The following CCN2 variants were observed in gnomAD, a reference collection of about 807,000 sequenced individuals.
The protein encoded by CCN2 is cellular communication network factor 2.
Under a neutral mutation model 33.2 loss-of-function variants are expected in CCN2, and 22 were observed. The observed-to-expected ratio is 0.66, with a 90% CI of 0.47 to 0.95. CCN2 has a LOEUF of 0.95. CCN2 is among the 40% of genes least tolerant of loss of function. The probability of loss-of-function intolerance (pLI) is 0.00; values close to 1 mark genes in which losing one functional copy is unlikely to be tolerated. For missense variants in CCN2, 469 were observed against 498.8 expected (o/e 0.94, Z 0.57); for synonymous variants, 178 against 200.6 (o/e 0.89, Z 0.95).
At position 131,949,311 on chromosome 6, in the gene CCN2, T is replaced by C. The variant is rs1036211794; in HGVS notation, c.1003A>G (p.Ile335Val). 1 of 1,614,110 alleles carries C rather than the reference T, an allele frequency of 6.2e-7. No homozygotes were observed. The highest frequency in any genetic ancestry group is 1.3e-5 in the African/African-American group (1 of 74,940). ...CHYNCPGDND[I>V]FESLYYRKMY... ...TTCCTGTAGTACAGCGATTCAAAGA[T>C]GTCATTGTCTCCGGGACAGTTGTAA... The change falls in exon 5 of 5, where the codon ATC (isoleucine) becomes GTC (valine). Residue 335 changes from isoleucine (I) to valine (V), a missense_variant. Coordinates refer to ENST00000367976, the MANE Select transcript of CCN2 (RefSeq NM_001901.4).
Position 131,951,194 on chromosome 6 carries a change from G to A in CCN2, c.-22C>T. The A allele has an allele frequency of 7.7e-7, 1 of 1,296,666 alleles. No individual in the cohort carries two copies. Among genetic ancestry groups the A allele is most frequent in the Non-Finnish European group, 9.8e-7 (1 of 1,022,596 alleles). 80.3% of individuals were successfully genotyped at this position (1,296,666 alleles called of 1,614,324 possible). ...TCATGGTTGGCACTGCGGGCGGAGC[G>A]GAGGGCGCGGTGGCGGCGAGCGGGG... On this transcript the variant is annotated 5_prime_UTR_variant, in exon 1 of 5. Transcript: ENST00000367976.
rs1783047646 is a variant in CCN2 at position 131,948,222 on chromosome 6, C to A, written c.*1042G>T. The A allele has an allele frequency of 6.6e-6, 1 of 152,570 alleles. No homozygotes were observed. Among genetic ancestry groups the A allele is most frequent in the Admixed American group, 6.5e-5 (1 of 15,280 alleles). The allele number at this position is 152,570 out of a possible 1,614,324, so 9.5% of individuals were successfully genotyped here. A position where few individuals can be genotyped will look rare whatever the true frequency, so the allele number is the denominator to read the frequency against. Reference sequence around the variant, plus strand: ...TTATTTTCAACTAGAAAGGTGCAAACATGTAACTTTTGGTCACACTCTCAA... The same window carrying A: ...TTATTTTCAACTAGAAAGGTGCAAAAATGTAACTTTTGGTCACACTCTCAA... On this transcript the variant is annotated 3_prime_UTR_variant, in exon 5 of 5. Transcript: ENST00000367976.
chr6:131,950,948 G>T lies in CCN2; in HGVS notation c.111C>A (p.Asp37Glu), dbSNP rs754049250. Residue 37 changes from aspartate (D) to glutamate (E), a missense_variant, in exon 2 of 5, where the codon GAC becomes GAA. Physicochemically the swap from Asp to Glu is conservative, Grantham distance 45 (BLOSUM62 2). Coordinates refer to ENST00000367976, the MANE Select transcript of CCN2 (RefSeq NM_001901.4). This position sits in a 1 kb window ranked among gnomAD's most constrained non-coding sequence, Gnocchi z 7.1. The part of the protein sequence containing the change: ...QNCSGPCRCP[D>E]EPAPRCPAGV... ...CCGCCGGGCAGCGCGGCGCCGGCTC[G>T]TCCGGGCACCGGCACGGCCCGCTGC... 1.1e-5 allele frequency: 15 copies of T among 1,395,650 alleles called. No homozygotes were observed. Among genetic ancestry groups the T allele is most frequent in the Non-Finnish European group, 2.8e-6 (3 of 1,086,062 alleles). The allele number at this position is 1,395,650 out of a possible 1,614,324, so 86.5% of individuals were successfully genotyped here. A position where few individuals can be genotyped will look rare whatever the true frequency, so the allele number is the denominator to read the frequency against.
At position 131,949,907 on chromosome 6, in the gene CCN2, GT is replaced by G. The variant is rs755411067; in HGVS notation, c.753+41del. ...AGCCCTAAGTTGGGTCCTATCCACT[GT>G]TTTTCCTGTGAAAAATAGTTAATAG... On this transcript the variant is annotated intron_variant, in intron 4 of 4. Transcript: ENST00000367976. 1.1e-5 allele frequency: 18 copies of G among 1,593,544 alleles called. No homozygotes were observed. The Admixed American group carries it at 2.8e-4, about 25-fold the overall frequency.
Position 131,950,566 on chromosome 6 carries a change from A to G in CCN2, c.290-23T>C. On this transcript the variant is annotated intron_variant, in intron 2 of 4. Coordinates refer to ENST00000367976, the MANE Select transcript of CCN2 (RefSeq NM_001901.4). The surrounding 1 kb of genome is among the most constrained non-coding windows in gnomAD (Gnocchi z 7.1). ...TGGCTGGAGAAGAGGAAGGGAAGAG[A>G]GGGGTGGGGGATGCAGAGGTCAGGC... 1.2e-6 allele frequency: 2 copies of G among 1,608,416 alleles called. No individual in the cohort carries two copies. The highest frequency in any genetic ancestry group is 1.7e-6 in the Non-Finnish European group (2 of 1,176,802).
chr6:131,949,403 T>C lies in CCN2; in HGVS notation c.911A>G (p.Glu304Gly), dbSNP rs764293864. ...TPHRTTTLPV[E>G]FKCPDGEVMK... Reference sequence around the variant, plus strand: ...GACCTCGCCGTCAGGGCACTTGAACTCCACCGGCAGGGTGGTGGTTCTGTG... The same window carrying C: ...GACCTCGCCGTCAGGGCACTTGAACCCCACCGGCAGGGTGGTGGTTCTGTG... Residue 304 changes from glutamate (E) to glycine (G), a missense_variant, in exon 5 of 5, where the codon GAG becomes GGG. Coordinates refer to ENST00000367976, the MANE Select transcript of CCN2 (RefSeq NM_001901.4). The C allele has an allele frequency of 6.2e-7, 1 of 1,614,128 alleles. No individual in the cohort carries two copies.
At chr6:131,949,708 T>C in intron 4 of CCN2, 148 bp from the exon 5 acceptor site, 1 of 912,662 alleles carries the variant, frequency 1.1e-6, no homozygotes, top group Admixed American at 2.4e-5. Context: ...TCTCATTTGC[T>C]ATGTCCAAAA....
rs1184611037 is a variant in CCN2 at position 131,950,876 on chromosome 6, G to C, written c.183C>G (p.Ala61=). 5 of 1,531,512 alleles carry C rather than the reference G, an allele frequency of 3.3e-6. No homozygotes were observed. Among genetic ancestry groups the C allele is most frequent in the Non-Finnish European group, 4.4e-6 (5 of 1,145,848 alleles). 94.9% of individuals were successfully genotyped at this position (1,531,512 alleles called of 1,614,324 possible). A position where few individuals can be genotyped will look rare whatever the true frequency, so the allele number is the denominator to read the frequency against. Residue 61 remains alanine (A), a synonymous_variant, in exon 2 of 5, where the codon GCC becomes GCG. Coordinates refer to ENST00000367976, the MANE Select transcript of CCN2 (RefSeq NM_001901.4). This position sits in a 1 kb window ranked among gnomAD's most constrained non-coding sequence, Gnocchi z 7.1. The part of the protein sequence containing the change: ...LDGCGCCRVC[A]KQLGELCTER... ...CGGTGCACAGCTCGCCCAGCTGCTT[G>C]GCGCAGACGCGGCAGCAGCCGCAGC... is the stretch of plus-strand genomic sequence containing the variant.
Position 131,950,069 on chromosome 6 carries a change from C to CT in CCN2, c.632dup (p.Thr212AspfsTer13). On this transcript the variant is annotated frameshift_variant, in exon 4 of 5. Transcript: ENST00000367976. LOFTEE classifies it high-confidence loss of function. This position sits in a 1 kb window ranked among gnomAD's most constrained non-coding sequence, Gnocchi z 7.1. ...GGGTGGAGATGCCCATCCCACAGGT[C>CT]TTGGAACAGGCGCTCCACTCTGTGG... 6.2e-7 allele frequency: 1 copy of CT among 1,614,226 alleles called. No individual in the cohort carries two copies.
At position 131,951,354 on chromosome 6, in the gene CCN2, C is replaced by T. The variant is rs1048097884; in HGVS notation, c.-182G>A. On this transcript the variant is annotated 5_prime_UTR_variant, in exon 1 of 5. Coordinates refer to ENST00000367976, the MANE Select transcript of CCN2 (RefSeq NM_001901.4). Reference sequence around the variant, plus strand: ...AGTCGCACTGGCTGTCTCCTCTCAGCGGGGAAGAGTTGTTGTGTGAGTTTG... The same window carrying T: ...AGTCGCACTGGCTGTCTCCTCTCAGTGGGGAAGAGTTGTTGTGTGAGTTTG... 2 of 444,740 alleles carry T rather than the reference C, an allele frequency of 4.5e-6. No homozygotes were observed. Among genetic ancestry groups the T allele is most frequent in the Non-Finnish European group, 7.2e-6 (2 of 276,850 alleles). 27.5% of individuals were successfully genotyped at this position (444,740 alleles called of 1,614,324 possible).
At chr6:131,949,657 T>G (rs1222999031) in intron 4 of CCN2, 97 bp from the exon 5 acceptor site, 1 of 1,177,284 alleles carries the variant, frequency 8.5e-7, no homozygotes, top group Non-Finnish European at 1.2e-6. Flanking sequence ...AGTCTTCTGT[T>G]GTCTGACTTC....
In CCN2 at chr6:131,951,005, C is replaced by T; in HGVS notation, c.67-13G>A. On this transcript the variant is annotated splice_polypyrimidine_tract_variant and intron_variant, in intron 1 of 4. Transcript: ENST00000367976. ...GGCCGACGGCCGGCTGCAGGGAGGA[C>T]AGGGCGGTCAGCGGCGCTCGGTCGG... 1.6e-6 allele frequency: 2 copies of T among 1,281,542 alleles called. No individual in the cohort carries two copies. The highest frequency in any genetic ancestry group is 2.0e-6 in the Non-Finnish European group (2 of 1,021,444). The allele number at this position is 1,281,542 out of a possible 1,614,324, so 79.4% of individuals were successfully genotyped here.
In CCN2 at chr6:131,949,991, G is replaced by A. The variant is rs1783077966; in HGVS notation, c.711C>T (p.Cys237=). The change falls in exon 4 of 5, where the codon TGC becomes TGT. Residue 237 remains cysteine (C), a synonymous_variant. Coordinates refer to ENST00000367976, the MANE Select transcript of CCN2 (RefSeq NM_001901.4). ...GGTCAGCTTCGCAAGGCCTGACCAT[G>A]CACAGGCGGCTCTGCTTCTCTAGCC... ...SCRLEKQSRL[C]MVRPCEADLE... is the part of the protein sequence containing the mutation. 6.2e-7 allele frequency: 1 copy of A among 1,614,242 alleles called. No homozygotes were observed. Among genetic ancestry groups the A allele is most frequent in the Non-Finnish European group, 8.5e-7 (1 of 1,180,048 alleles).
Position 131,949,247 on chromosome 6 carries a change from T to A in CCN2, c.*17A>T. On this transcript the variant is annotated 3_prime_UTR_variant, in exon 5 of 5. Coordinates refer to ENST00000367976, the MANE Select transcript of CCN2 (RefSeq NM_001901.4). The stretch of plus-strand genomic sequence containing the variant: ...CAAGTTCCAGTCTAATGAGTTAATG[T>A]CTCTCACTCTCTGGCTTCATGCCAT... The A allele has an allele frequency of 1.2e-6, 2 of 1,604,368 alleles. No homozygotes were observed. The highest frequency in any genetic ancestry group is 1.7e-6 in the Non-Finnish European group (2 of 1,171,658).
chr6:131,949,086 G>A lies in CCN2; in HGVS notation c.*178C>T. On this transcript the variant is annotated 3_prime_UTR_variant, in exon 5 of 5. Coordinates refer to ENST00000367976, the MANE Select transcript of CCN2 (RefSeq NM_001901.4). ...TAACATTCTTCAAACCAGTGTCTGG[G>A]GTTGATAGACTATTTGTTTGACATG... is the stretch of plus-strand genomic sequence containing the variant. 1.6e-6 allele frequency: 1 copy of A among 621,458 alleles called. No individual in the cohort carries two copies. The highest frequency in any genetic ancestry group is 1.8e-5 in the African/African-American group (1 of 54,488). 38.5% of individuals were successfully genotyped at this position (621,458 alleles called of 1,614,324 possible).
chr6:131,949,590 A>G (rs78436868), intron 4 of CCN2, 30 bp from the exon 5 acceptor site: 1 of 1,328,778 alleles, frequency 7.5e-7, no homozygotes, highest in Non-Finnish European at 9.7e-7. Context: ...AGAGAGAGGA[A>G]AAAAAAAAAT....
At position 131,950,123 on chromosome 6, in the gene CCN2, A is replaced by G. The variant is rs1212563744; in HGVS notation, c.579T>C (p.Thr193=). Residue 193 remains threonine, a synonymous_variant, in exon 4 of 5, where the codon ACT becomes ACC. Coordinates refer to ENST00000367976, the MANE Select transcript of CCN2 (RefSeq NM_001901.4). The surrounding 1 kb of genome is among the most constrained non-coding windows in gnomAD (Gnocchi z 7.1). ...RLEDTFGPDP[T]MIRANCLVQT... is the part of the protein sequence containing the mutation. Reference sequence around the variant, plus strand: ...GGACCAGGCAGTTGGCTCTAATCATAGTTGGGTCTGGGCCAAACGTGTCTT... The same window carrying G: ...GGACCAGGCAGTTGGCTCTAATCATGGTTGGGTCTGGGCCAAACGTGTCTT... 1 of 1,614,100 alleles carries G rather than the reference A, an allele frequency of 6.2e-7. No homozygotes were observed. Among genetic ancestry groups the G allele is most frequent in the Non-Finnish European group, 8.5e-7 (1 of 1,180,034 alleles).
rs141279872 is a variant in CCN2 at position 131,949,279 on chromosome 6, G to A, written c.1035C>T (p.Tyr345=). The part of the protein sequence containing the change: ...IFESLYYRKM[Y]GDMA ...CTCTCTGGCTTCATGCCATGTCTCCGTACATCTTCCTGTAGTACAGCGATT... is the reference window on the plus strand; with the variant it reads ...CTCTCTGGCTTCATGCCATGTCTCCATACATCTTCCTGTAGTACAGCGATT... Residue 345 remains tyrosine, a synonymous_variant, in exon 5 of 5, where the codon TAC becomes TAT. Transcript: ENST00000367976. The A allele has an allele frequency of 3.5e-5, 56 of 1,613,774 alleles. No homozygotes were observed. The African/African-American group carries it at 4.9e-4, about 14-fold the overall frequency.
Position 131,950,221 on chromosome 6 carries a change from C to T in CCN2, c.542-61G>A. The stretch of plus-strand genomic sequence containing the variant: ...GCCTGGATAAGGTATTTCCCCCGTT[C>T]GGTCGGCACAGTTAGGACTCCCTCC... On this transcript the variant is annotated intron_variant, in intron 3 of 4. Transcript: ENST00000367976. This position sits in a 1 kb window ranked among gnomAD's most constrained non-coding sequence, Gnocchi z 7.1. 2.5e-6 allele frequency: 4 copies of T among 1,610,944 alleles called. No homozygotes were observed. The highest frequency in any genetic ancestry group is 1.1e-5 in the South Asian group (1 of 90,836).
Sources: allele counts gnomAD v4.1 joint callset, GRCh38; gene constraint gnomAD v4.1.1; non-coding constraint Gnocchi (gnomAD v3.1); transcripts MANE v1.5; gene names NCBI Gene and HGNC (gene_info 2026-07-23, HGNC 2026-07-21).